CHD6: variants seen among roughly 807,000 people sequenced by gnomAD.
CHD6 encodes ATP-dependent chromatin remodeler CHD6.
CHD6 carries 50 observed loss-of-function variants against 276.9 expected under a neutral mutation model. The ratio of observed to expected loss-of-function variants is 0.18; its 90% CI spans 0.14 to 0.23. The LOEUF (loss-of-function observed/expected upper bound fraction) is 0.23, where lower values mean the gene tolerates loss of function less well. Among genes scored for constraint, CHD6 ranks in the 10% least tolerant of loss-of-function variants. The pLI is 1.00. For synonymous variants in CHD6, 1,173 were observed against 1,229.3 expected (o/e 0.95, Z 0.96); for missense variants, 2,564 against 3,365.8 (o/e 0.76, Z 5.89).
intron 12 of CHD6, among the ~76,000 whole-genome samples, chr20:41,489,474 A>G (rs2043496448): frequency 6.6e-6 from 1 of 152,202 alleles, no homozygotes; most frequent in Non-Finnish European, 1.5e-5. Context: ...CACTGAACAC[A>G]TAACAATTCA....
At chr20:41,483,156 T>C (rs984626689) in intron 16 of CHD6, among the ~76,000 whole-genome samples, 153 bp downstream of exon 16, 3 of 152,182 alleles carry the variant, frequency 2.0e-5, no homozygotes, top group African/African-American at 7.2e-5. Flanking sequence ...TCATAAAATT[T>C]AACTCTGAAT....
intron 20 of CHD6, among the ~76,000 whole-genome samples, chr20:41,453,745 T>C (rs561854932): frequency 6.6e-6 from 1 of 152,334 alleles, no homozygotes; most frequent in Admixed American, 6.5e-5. Context: ...GCTTCTTGAT[T>C]GCGACACTGT....
At chr20:41,429,353 T>G (rs969821196) in intron 27 of CHD6, among the ~76,000 whole-genome samples, 16 of 152,220 alleles carry the variant, frequency 1.1e-4, no homozygotes, top group African/African-American at 3.6e-4. Flanking sequence ...TGGCTGCACG[T>G]GACATCTGTA....
Position 41,526,656 on chromosome 20 carries a change from T to C in CHD6, c.554+6394A>G, listed in dbSNP as rs555311859. Among the ~76,000 whole-genome samples the C allele has an allele frequency of 4.6e-5, 7 of 152,308 alleles. No homozygotes were observed. The South Asian group carries it at 1.2e-3, about 27-fold the overall frequency. On this transcript the variant is annotated intron_variant, in intron 3 of 36. Transcript: ENST00000373233. Reference sequence around the variant, plus strand: ...CTGGATTTGGGAGAAAAATCTGCTCTGGGCTGACAAACCAAACAAATGGGG... The same window carrying C: ...CTGGATTTGGGAGAAAAATCTGCTCCGGGCTGACAAACCAAACAAATGGGG...
intron 24 of CHD6, 91 bp from the exon 25 acceptor site, chr20:41,445,859 G>A: frequency 1.4e-6 from 1 of 736,086 alleles, no homozygotes; most frequent in Non-Finnish European, 2.4e-6. Flanking sequence ...ATGCTGAGAT[G>A]CTAAAGTAAC....
chr20:41,456,068 G>A (rs2048369068), intron 18 of CHD6, 89 bp from the exon 19 acceptor site: 1 of 1,251,500 alleles, frequency 8.0e-7, no homozygotes, highest in Non-Finnish European at 1.1e-6. Context: ...TCAGTGCATA[G>A]TTCCTCCATG....
At chr20:41,602,973 G>A (rs183757024) in intron 1 of CHD6, among the ~76,000 whole-genome samples, 4 of 152,110 alleles carry the variant, frequency 2.6e-5, no homozygotes, top group East Asian at 1.9e-4. Context: ...ATGAGCCACC[G>A]TGCCTGGCCA....
At chr20:41,533,744 G>A (rs1241602572) in intron 2 of CHD6, among the ~76,000 whole-genome samples, 174 bp from the exon 3 acceptor site, 1 of 152,128 alleles carries the variant, frequency 6.6e-6, no homozygotes, top group East Asian at 1.9e-4. Flanking sequence ...GACATACACG[G>A]CCTTTACACT....
intron 1 of CHD6, among the ~76,000 whole-genome samples, chr20:41,555,914 A>T (rs1601137886): frequency 6.6e-6 from 1 of 152,088 alleles, no homozygotes; most frequent in Non-Finnish European, 1.5e-5. Context: ...TGGGTGGTGG[A>T]GGTTGTAGCG....
Position 41,421,113 on chromosome 20 carries a change from T to A in CHD6, c.5522A>T (p.Asp1841Val). Residue 1841 changes from aspartate (D) to valine (V), a missense_variant, in exon 31 of 37, where the codon GAT becomes GTT. Transcript: ENST00000373233. ...VCDSKRNLSSDQQLIDLLENK... is the reference protein window; with the variant it reads ...VCDSKRNLSSVQQLIDLLENK... ...TTCCAATAAATCAATTAATTGCTGA[T>A]CTGATGACAGGTTTCTTTTGGAGTC... 1 of 1,614,212 alleles carries A rather than the reference T, an allele frequency of 6.2e-7. No homozygotes were observed. Among genetic ancestry groups the A allele is most frequent in the Non-Finnish European group, 8.5e-7 (1 of 1,180,046 alleles).
rs1027568616 is a variant in CHD6, at chr20:41,473,239, T to C, written c.2664+83A>G. 1.5e-6 allele frequency: 2 copies of C among 1,342,560 alleles called. No individual in the cohort carries two copies. Among genetic ancestry groups the C allele is most frequent in the Non-Finnish European group, 2.1e-6 (2 of 960,098 alleles). The allele number at this position is 1,342,560 out of a possible 1,614,324, so 83.2% of individuals were successfully genotyped here. A position where few individuals can be genotyped will look rare whatever the true frequency, so the allele number is the denominator to read the frequency against. On this transcript the variant is annotated intron_variant, in intron 17 of 36. Transcript: ENST00000373233. This position sits in a 1 kb window ranked among gnomAD's most constrained non-coding sequence, Gnocchi z 4.1. ...ACACCATAGCATAGAGCATCACGGATGCTCTGTAGCCAAGCCAGGCCCTAT... is the reference window on the plus strand; with the variant it reads ...ACACCATAGCATAGAGCATCACGGACGCTCTGTAGCCAAGCCAGGCCCTAT...
chr20:41,588,362 A>G (rs914702609), intron 1 of CHD6, among the ~76,000 whole-genome samples: 2 of 152,158 alleles, frequency 1.3e-5, no homozygotes, highest in Non-Finnish European at 2.9e-5. Flanking sequence ...ATGGTCTCAC[A>G]ATGAGAAACA....
rs2044839297 is a variant in CHD6 at position 41,536,700 on chromosome 20, A to AC, written c.34-3131dup. On this transcript the variant is annotated intron_variant, in intron 2 of 36. Coordinates refer to ENST00000373233, the MANE Select transcript of CHD6 (RefSeq NM_032221.5). ...GCAACAAAAACCATTAAATTTCAGT[A>AC]CATCAGGTTAAAAAAAATTAAGCAT... Among the ~76,000 whole-genome samples the AC allele has an allele frequency of 2.0e-5, 3 of 152,202 alleles. No homozygotes were observed. In the South Asian group the frequency reaches 6.2e-4, roughly 31 times the overall value.
At chr20:41,568,375 C>A (rs2045381707) in intron 1 of CHD6, among the ~76,000 whole-genome samples, 1 of 152,136 alleles carries the variant, frequency 6.6e-6, no homozygotes, top group Non-Finnish European at 1.5e-5. Context: ...TGATAGCTAT[C>A]CAAGATGGCA....
intron 1 of CHD6, among the ~76,000 whole-genome samples, chr20:41,568,252 G>A (rs535511569): frequency 3.3e-5 from 5 of 152,238 alleles, no homozygotes; most frequent in Non-Finnish European, 5.9e-5. Flanking sequence ...GGATATAACC[G>A]TACATAATTC....
chr20:41,442,943 C>CT (rs2047944888), intron 25 of CHD6, among the ~76,000 whole-genome samples: 1 of 152,184 alleles, frequency 6.6e-6, no homozygotes, highest in South Asian at 2.1e-4. Context: ...GCATTTATGG[C>CT]TTAGGCTCAG....
In CHD6 at chr20:41,416,630, G is replaced by C; in HGVS notation, c.6444C>G (p.His2148Gln). The C allele has an allele frequency of 1.2e-6, 2 of 1,613,840 alleles. No individual in the cohort carries two copies. Among genetic ancestry groups the C allele is most frequent in the Non-Finnish European group, 1.7e-6 (2 of 1,179,942 alleles). ...CCAATGCTGCGCCGTTGCTGAAGCT[G>C]TGTTCTGCTGCTTCCGGCTCTGAGA... Reference protein sequence around the residue: ...TSLSEPEAAEHSFSNGAALAA... With the variant: ...TSLSEPEAAEQSFSNGAALAA... Residue 2148 changes from histidine to glutamine, a missense_variant, in exon 33 of 37, where the codon CAC (histidine) becomes CAG (glutamine). By Grantham distance (24) the His-to-Gln change is conservative. Coordinates refer to ENST00000373233, the MANE Select transcript of CHD6 (RefSeq NM_032221.5).
At chr20:41,504,077 C>CAAAAAAAAAAAAAAAAAAAAAAAAA (rs1189323419) in intron 5 of CHD6, among the ~76,000 whole-genome samples, 14 of 27,094 alleles carry the variant, frequency 5.2e-4, no homozygotes, top group East Asian at 2.9e-3. Flanking sequence ...GACTCTGTCT[C>CAAAAAAAAAAAAAAAAAAAAAAAAA]AAAAAAAAAA....
intron 5 of CHD6, among the ~76,000 whole-genome samples, chr20:41,501,446 G>A (rs6029710): frequency 0.48 from 72,790 of 151,962 alleles, 20,254 homozygotes; most frequent in African/African-American, 0.76. Context: ...TTCTACCACC[G>A]TAGACTGGTT....
Sources: allele counts gnomAD v4.1 joint callset (sites outside exome capture counted in the v4.1 genomes callset), GRCh38; gene constraint gnomAD v4.1.1; non-coding constraint Gnocchi (gnomAD v3.1); transcripts MANE v1.5; gene names NCBI Gene and HGNC (gene_info 2026-07-23, HGNC 2026-07-21).